MBNL2: variants seen among roughly 807,000 people sequenced by gnomAD.
MBNL2 encodes muscleblind like splicing regulator 2, also known as muscleblind-like protein 2.
A neutral mutation model predicts 41.9 loss-of-function variants in MBNL2; 17 were observed. That is an observed-to-expected ratio of 0.41 (90% confidence interval 0.28 to 0.61). MBNL2 has a LOEUF of 0.61. MBNL2 is among the 20% of genes least tolerant of loss of function. The pLI is 0.35. For synonymous variants in MBNL2, 195 were observed against 182.9 expected (o/e 1.07, Z -0.53); for missense variants, 336 against 505.6 (o/e 0.66, Z 3.22).
At chr13:97,292,482 G>A (rs947554844) in intron 2 of MBNL2, among the ~76,000 whole-genome samples, 2 of 152,116 alleles carry the variant, frequency 1.3e-5, no homozygotes, top group South Asian at 4.1e-4. Flanking sequence ...ATTTATCTTG[G>A]TTCGTCTTGA....
At chr13:97,278,026 T>A (rs937026110) in intron 2 of MBNL2, among the ~76,000 whole-genome samples, 6 of 151,834 alleles carry the variant, frequency 4.0e-5, no homozygotes, top group Non-Finnish European at 8.8e-5. Context: ...GAGGCTGAAG[T>A]GGGCGGATCA....
At chr13:97,157,256 C>T in the MBNL2 span, among the ~76,000 whole-genome samples, 1 of 141,574 alleles carries the variant, frequency 7.1e-6, no homozygotes, top group South Asian at 2.4e-4. Flanking sequence ...TATCCTGAGA[C>T]TTTGCTGAAG....
chr13:97,199,311 TA>T, the MBNL2 span, among the ~76,000 whole-genome samples: 3 of 152,152 alleles, frequency 2.0e-5, no homozygotes, highest in Non-Finnish European at 4.4e-5. Flanking sequence ...TGGCAATTTC[TA>T]TCTTAGCCTT....
the MBNL2 span, among the ~76,000 whole-genome samples, chr13:97,204,041 C>T: frequency 6.6e-6 from 1 of 152,154 alleles, no homozygotes; most frequent in Admixed American, 6.5e-5. Context: ...AGGTGTAGTT[C>T]AATCCTTTTT....
chr13:97,326,971 T>C (rs1315868206), intron 2 of MBNL2, among the ~76,000 whole-genome samples: 1 of 152,198 alleles, frequency 6.6e-6, no homozygotes, highest in East Asian at 1.9e-4. Flanking sequence ...AATGGACTAA[T>C]AAGAATCGGC....
chr13:97,302,171 G>T (rs4771992), intron 2 of MBNL2, among the ~76,000 whole-genome samples: 104,678 of 152,012 alleles, frequency 0.69, 36,121 homozygotes, highest in African/African-American at 0.73. Flanking sequence ...TCCTAAGCTA[G>T]TTCCCCTTCT....
At chr13:97,221,080 A>G (rs1479747944), upstream of MBNL2, among the ~76,000 whole-genome samples, 2 of 152,190 alleles carry the variant, frequency 1.3e-5, no homozygotes, top group Non-Finnish European at 2.9e-5. Flanking sequence ...ATTATATGAA[A>G]TATTATGTTT....
the MBNL2 span, among the ~76,000 whole-genome samples, chr13:97,209,488 TTAC>T: frequency 7.2e-5 from 11 of 152,214 alleles, no homozygotes; most frequent in Non-Finnish European, 1.3e-4. Context: ...AAGTGATAAA[TTAC>T]TGCAAAGTAG....
chr13:97,328,694 A>G (rs1179039044), intron 2 of MBNL2, among the ~76,000 whole-genome samples: 1 of 152,214 alleles, frequency 6.6e-6, no homozygotes, highest in African/African-American at 2.4e-5. Flanking sequence ...TGTTAACTGA[A>G]TTGTAGATCG....
Position 97,275,986 on chromosome 13 carries a change from C to A in MBNL2, c.-250C>A. 2.6e-6 allele frequency: 1 copy of A among 381,132 alleles called. No individual in the cohort carries two copies. Among genetic ancestry groups the A allele is most frequent in the Non-Finnish European group, 4.7e-6 (1 of 212,360 alleles). 23.6% of individuals were successfully genotyped at this position (381,132 alleles called of 1,614,324 possible). The stretch of plus-strand genomic sequence containing the variant: ...AGTCAAGAGACTCGGACGTTGAAAG[C>A]CAGAGATGACACTGAGCATGCTTTT... On this transcript the variant is annotated 5_prime_UTR_variant, in exon 2 of 9. Coordinates refer to ENST00000679496, the MANE Select transcript of MBNL2 (RefSeq NM_001382683.1).
At chr13:97,314,565 G>A (rs878947859) in intron 2 of MBNL2, among the ~76,000 whole-genome samples, 2 of 152,134 alleles carry the variant, frequency 1.3e-5, no homozygotes, top group Admixed American at 6.5e-5. Context: ...AATATGCACC[G>A]AATAAATGAA....
intron 1 of MBNL2, among the ~76,000 whole-genome samples, chr13:97,264,013 C>CT (rs71117637): frequency 0.019 from 2,527 of 135,092 alleles, 26 homozygotes; most frequent in African/African-American, 0.022. Context: ...TATTCTTTTT[C>CT]TTTTTTTTTT....
chr13:97,333,882 A>G (rs182179726), intron 2 of MBNL2, among the ~76,000 whole-genome samples: 158 of 150,192 alleles, frequency 1.1e-3, no homozygotes, highest in African/African-American at 3.5e-3. Flanking sequence ...CAGCAGTCAC[A>G]CTTCTTTGGA....
intron 6 of MBNL2, among the ~76,000 whole-genome samples, 168 bp from the exon 7 acceptor site, chr13:97,357,314 A>G (rs986519221): frequency 1.3e-5 from 2 of 152,176 alleles, no homozygotes; most frequent in African/African-American, 4.8e-5. Flanking sequence ...GCTCTCAATA[A>G]CAAATTCTCA....
At chr13:97,307,152 C>T (rs926485008) in intron 2 of MBNL2, among the ~76,000 whole-genome samples, 4 of 152,062 alleles carry the variant, frequency 2.6e-5, no homozygotes, top group Non-Finnish European at 5.9e-5. Context: ...TAAATAAAAA[C>T]GTCTTCAATA....
the MBNL2 span, among the ~76,000 whole-genome samples, chr13:97,196,990 G>A: frequency 6.6e-6 from 1 of 152,136 alleles, no homozygotes; most frequent in South Asian, 2.1e-4. Context: ...TTTGCCCCTA[G>A]AGCTAGATTC....
At chr13:97,288,014 T>C (rs1362991396) in intron 2 of MBNL2, among the ~76,000 whole-genome samples, 4 of 146,960 alleles carry the variant, frequency 2.7e-5, no homozygotes, top group Non-Finnish European at 6.0e-5. Context: ...CCTCAAACAA[T>C]CCACCTGCTT....
chr13:97,189,238 G>A, the MBNL2 span, among the ~76,000 whole-genome samples: 1 of 152,106 alleles, frequency 6.6e-6, no homozygotes, highest in Non-Finnish European at 1.5e-5. Context: ...CTCAGTCACC[G>A]AATTCTAAGG....
At position 97,291,900 on chromosome 13, in the gene MBNL2, C is replaced by CA. The variant is rs763407208; in HGVS notation, c.174+15508dup. On this transcript the variant is annotated intron_variant, in intron 2 of 8. Coordinates refer to ENST00000679496, the MANE Select transcript of MBNL2 (RefSeq NM_001382683.1). ...ACAGAGCGAGACTCCGTCTCCGTCT[C>CA]AAAAAAAAAAAAAAAAAGTGGGCTG... 1.2e-3 allele frequency among the ~76,000 whole-genome samples: 44 copies of CA among 37,816 alleles called. 5 individuals carry two copies. The highest frequency in any genetic ancestry group is 2.1e-3 in the South Asian group (1 of 474). The allele number at this position is 37,816 out of a possible 152,430, so 24.8% of individuals were successfully genotyped here.
Sources: allele counts gnomAD v4.1 joint callset (sites outside exome capture counted in the v4.1 genomes callset), GRCh38; gene constraint gnomAD v4.1.1; transcripts MANE v1.5; gene names NCBI Gene and HGNC (gene_info 2026-07-23, HGNC 2026-07-21).